Variants in TPP2 observed in about 807,000 individuals in gnomAD.
The protein encoded by TPP2 is tripeptidyl peptidase 2.
Under a neutral mutation model 155.9 loss-of-function variants are expected in TPP2, and 34 were observed. That is an observed-to-expected ratio of 0.22 (90% CI 0.17 to 0.29). The LOEUF is 0.29. Among genes scored for constraint, TPP2 ranks in the 10% least tolerant of loss-of-function variants. The pLI is 1.00. For synonymous variants in TPP2, 510 were observed against 529.4 expected (o/e 0.96, Z 0.50); for missense variants, 1,028 against 1,522.3 (o/e 0.68, Z 5.40).
chr13:102,674,168 G>A (rs929068294), intron 27 of TPP2, 115 bp from the exon 28 acceptor site: 14 of 1,097,080 alleles, frequency 1.3e-5, no homozygotes, highest in Non-Finnish European at 5.2e-6. Context: ...TGGATATACA[G>A]TATTTCTGCA....
intron 14 of TPP2, 115 bp from the exon 15 acceptor site, chr13:102,638,123 CT>C: frequency 1.0e-6 from 1 of 958,790 alleles, no homozygotes; most frequent in South Asian, 1.5e-5. Flanking sequence ...GTGTCAACCT[CT>C]GGTTAAGACC....
chr13:102,662,700 A>G (rs1405169626), intron 25 of TPP2, among the ~76,000 whole-genome samples: 1 of 152,206 alleles, frequency 6.6e-6, no homozygotes, highest in Non-Finnish European at 1.5e-5. Context: ...ATAGTATCAA[A>G]ATCCCGGTCA....
intron 27 of TPP2, among the ~76,000 whole-genome samples, chr13:102,668,338 T>C (rs584186): frequency 0.66 from 100,455 of 151,550 alleles, 33,470 homozygotes; most frequent in Middle Eastern, 0.7. Flanking sequence ...TCTGACCAAT[T>C]TCCTACATCT....
chr13:102,615,173 G>A (rs575444176), intron 3 of TPP2, among the ~76,000 whole-genome samples: 6 of 152,246 alleles, frequency 3.9e-5, no homozygotes, highest in African/African-American at 4.8e-5. Flanking sequence ...AGAATAATGC[G>A]TATAACTTCT....
intron 21 of TPP2, among the ~76,000 whole-genome samples, chr13:102,648,644 T>G (rs1329022829): frequency 6.6e-6 from 1 of 152,094 alleles, no homozygotes; most frequent in Non-Finnish European, 1.5e-5. Flanking sequence ...ATGAGGGCTT[T>G]GAAGTCAGAC....
Position 102,678,370 on chromosome 13 carries a change from A to AT in TPP2, c.*55dup. On this transcript the variant is annotated 3_prime_UTR_variant, in exon 30 of 30. Transcript: ENST00000376052. ...AAAGGAAGTTTTATAGTGAATGGGT[A>AT]TAAAAACAAATTTGTGGCATTTTTA... 6.6e-7 allele frequency: 1 copy of AT among 1,510,258 alleles called. No homozygotes were observed. Among genetic ancestry groups the AT allele is most frequent in the Non-Finnish European group, 9.1e-7 (1 of 1,096,034 alleles). 93.6% of individuals were successfully genotyped at this position (1,510,258 alleles called of 1,614,324 possible). A position where few individuals can be genotyped will look rare whatever the true frequency, so the allele number is the denominator to read the frequency against.
chr13:102,641,462 T>C, intron 16 of TPP2, among the ~76,000 whole-genome samples: 1 of 152,202 alleles, frequency 6.6e-6, no homozygotes. Context: ...AAATGGCTTG[T>C]ATTTTACTTA....
chr13:102,597,295 C>G, intron 1 of TPP2, 92 bp downstream of exon 1: 2 of 749,630 alleles, frequency 2.7e-6, no homozygotes, highest in Non-Finnish European at 3.7e-6. Context: ...GGCCAAAGCC[C>G]CGCTCTGCGG....
chr13:102,627,673 C>CT (rs34350499), intron 7 of TPP2, among the ~76,000 whole-genome samples, 175 bp from the exon 8 acceptor site: 1 of 150,050 alleles, frequency 6.7e-6, no homozygotes, highest in African/African-American at 2.5e-5. Flanking sequence ...CTCCTCCTAC[C>CT]TTTTTGTGTT....
chr13:102,603,583 A>T (rs1024728556), intron 1 of TPP2, among the ~76,000 whole-genome samples: 2 of 152,142 alleles, frequency 1.3e-5, no homozygotes, highest in Non-Finnish European at 2.9e-5. Context: ...AATTGAAAGG[A>T]GGTTGGCGTG....
intron 2 of TPP2, among the ~76,000 whole-genome samples, chr13:102,612,098 T>A (rs1369852593): frequency 6.6e-6 from 1 of 152,186 alleles, no homozygotes; most frequent in Non-Finnish European, 1.5e-5. Flanking sequence ...ACACTTAGTC[T>A]TAAATATTTT....
intron 28 of TPP2, 94 bp from the exon 29 acceptor site, chr13:102,676,202 A>G: frequency 2.5e-6 from 3 of 1,196,618 alleles, no homozygotes; most frequent in South Asian, 1.5e-5. Context: ...TTCAAAAGCT[A>G]CACTTCTGTT....
chr13:102,646,445 A>G, intron 20 of TPP2, 55 bp downstream of exon 20: 2 of 1,386,884 alleles, frequency 1.4e-6, no homozygotes, highest in Non-Finnish European at 1.0e-6. Flanking sequence ...TGTTTTATTT[A>G]TGATTCATAG....
intron 8 of TPP2, 129 bp from the exon 9 acceptor site, chr13:102,629,353 G>A: frequency 4.7e-6 from 5 of 1,072,364 alleles, no homozygotes; most frequent in South Asian, 2.7e-5. Context: ...TAGAATGGCT[G>A]TATCATGTTC....
chr13:102,657,178 A>G lies in TPP2; in HGVS notation c.3114A>G (p.Leu1038=), dbSNP rs2139571679. The change falls in exon 25 of 30, where the codon TTA becomes TTG. Residue 1038 remains leucine (L), a synonymous_variant. Coordinates refer to ENST00000376052, the MANE Select transcript of TPP2 (RefSeq NM_001330588.2). ...TAAAAGAAGAGTTTACTGAAGCATT[A>G]CGAGATCTTAAAATTCAGTGGATGA... ...KDLKEEFTEA[L]RDLKIQWMTK... The G allele has an allele frequency of 6.3e-7, 1 of 1,580,444 alleles. No homozygotes were observed. The highest frequency in any genetic ancestry group is 2.3e-5 in the East Asian group (1 of 44,240).
At chr13:102,669,092 CTGTTTA>C (rs1233425438) in intron 27 of TPP2, among the ~76,000 whole-genome samples, 1 of 152,188 alleles carries the variant, frequency 6.6e-6, no homozygotes, top group African/African-American at 2.4e-5. Flanking sequence ...CCATACATTA[CTGTTTA>C]TATCTTTCCA....
At chr13:102,621,505 C>A (rs377707364) in intron 5 of TPP2, among the ~76,000 whole-genome samples, 30 of 152,086 alleles carry the variant, frequency 2.0e-4, no homozygotes, top group African/African-American at 5.5e-4. Context: ...GGGGAAAGAT[C>A]CAGAGGATGT....
In TPP2 at chr13:102,664,779, C is replaced by T; in HGVS notation, c.3241-16C>T. On this transcript the variant is annotated splice_polypyrimidine_tract_variant and intron_variant, in intron 26 of 29. Transcript: ENST00000376052. ...TTGATATACCTATTTTTTATTATTT[C>T]TTTTTTCCTCTCCAGGAACGAATGA... 1 of 1,606,530 alleles carries T rather than the reference C, an allele frequency of 6.2e-7. No homozygotes were observed.
chr13:102,608,819 T>C (rs1880045334), intron 2 of TPP2, among the ~76,000 whole-genome samples: 1 of 152,172 alleles, frequency 6.6e-6, no homozygotes, highest in Non-Finnish European at 1.5e-5. Context: ...CTCTTCCTTG[T>C]TCTCTGCTTT....
Sources: gnomAD v4.1 joint callset for allele counts (sites outside exome capture counted in the v4.1 genomes callset) on GRCh38, gnomAD v4.1.1 for gene constraint, MANE v1.5 for transcripts, NCBI Gene and HGNC (gene_info 2026-07-23, HGNC 2026-07-21) for gene names.